RNFT2: variants seen among roughly 807,000 people sequenced by gnomAD.
RNFT2 encodes the protein E3 ubiquitin-protein ligase RNFT2.
In RNFT2, 36 loss-of-function variants were observed where a neutral mutation model predicts 53.0. The ratio of observed to expected loss-of-function variants is 0.68; its 90% CI spans 0.52 to 0.90. RNFT2 has a LOEUF of 0.90. RNFT2 is among the 40% of genes least tolerant of loss of function. The probability of loss-of-function intolerance (pLI) is 0.00; values close to 1 mark genes in which losing one functional copy is unlikely to be tolerated. For missense variants in RNFT2, 514 were observed against 585.6 expected (o/e 0.88, Z 1.26); for synonymous variants, 260 against 253.2 (o/e 1.03, Z -0.26).
rs149043452 is a variant in RNFT2, at chr12:116,821,802, C to CTTTTTTT, written c.883-11964_883-11958dup. 2.6e-3 allele frequency among the ~76,000 whole-genome samples: 116 copies of CTTTTTTT among 43,954 alleles called. 2 individuals carry two copies. Among genetic ancestry groups the CTTTTTTT allele is most frequent in the African/African-American group, 4.2e-3 (41 of 9,786 alleles). The allele number at this position is 43,954 out of a possible 152,430, so 28.8% of individuals were successfully genotyped here. A position where few individuals can be genotyped will look rare whatever the true frequency, so the allele number is the denominator to read the frequency against. On this transcript the variant is annotated intron_variant, in intron 7 of 10. Transcript: ENST00000257575. ...TCCTCCTTTTTCTGACTACTTGTTT[C>CTTTTTTT]TTTTTTTTTTTTTTTTTTTTTTTTT...
intron 4 of RNFT2, among the ~76,000 whole-genome samples, 162 bp downstream of exon 4, chr12:116,750,469 G>C (rs891662719): frequency 6.6e-6 from 1 of 152,154 alleles, no homozygotes; most frequent in Non-Finnish European, 1.5e-5. Context: ...TTCAAATCCT[G>C]GCCGACTAGC....
At chr12:116,777,294 C>T (rs746319335) in intron 6 of RNFT2, among the ~76,000 whole-genome samples, 27 of 152,088 alleles carry the variant, frequency 1.8e-4, no homozygotes, top group Admixed American at 2.6e-4. Context: ...ATAAAATATA[C>T]AGAGCAGGGC....
At chr12:116,847,157 C>T (rs1461735971) in intron 10 of RNFT2, among the ~76,000 whole-genome samples, 1 of 152,106 alleles carries the variant, frequency 6.6e-6, no homozygotes, top group East Asian at 1.9e-4. Context: ...ATCCCCCCGC[C>T]TCAGCCTACC....
Position 116,829,505 on chromosome 12 carries a change from G to A in RNFT2, c.883-4287G>A, listed in dbSNP as rs550379179. 2.0e-5 allele frequency among the ~76,000 whole-genome samples: 3 copies of A among 152,294 alleles called. No individual in the cohort carries two copies. In the South Asian group the frequency reaches 6.2e-4, roughly 32 times the overall value. On this transcript the variant is annotated intron_variant, in intron 7 of 10. Transcript: ENST00000257575. ...ACTAGTCACAAAAATCAGGCAGGGG[G>A]TGAGTGATGATTGGATGCCCTTTCT...
At chr12:116,813,707 C>T (rs1004223267) in intron 7 of RNFT2, among the ~76,000 whole-genome samples, 6 of 152,214 alleles carry the variant, frequency 3.9e-5, no homozygotes, top group Non-Finnish European at 8.8e-5. Flanking sequence ...AAAACACATA[C>T]GCTGAAGGTA....
chr12:116,812,899 C>A (rs1875458213), intron 7 of RNFT2, among the ~76,000 whole-genome samples: 1 of 152,066 alleles, frequency 6.6e-6, no homozygotes, highest in Non-Finnish European at 1.5e-5. Context: ...TGTCCATAAT[C>A]CCACGCCATT....
chr12:116,764,753 A>G (rs147929757), intron 5 of RNFT2, among the ~76,000 whole-genome samples: 1,769 of 152,218 alleles, frequency 0.012, 39 homozygotes, highest in African/African-American at 0.041. Context: ...TTAGCTGGGC[A>G]TGGTGGTGGG....
chr12:116,773,831 T>G (rs1286632081), intron 6 of RNFT2, among the ~76,000 whole-genome samples: 1 of 152,202 alleles, frequency 6.6e-6, no homozygotes, highest in African/African-American at 2.4e-5. Flanking sequence ...ATCTGCTTGC[T>G]TTTTGCAACT....
chr12:116,807,833 T>C lies in RNFT2; in HGVS notation c.883-25959T>C, dbSNP rs558646892. 1.3e-4 allele frequency among the ~76,000 whole-genome samples: 20 copies of C among 151,738 alleles called. 1 individual carries two copies. Among genetic ancestry groups the C allele is most frequent in the Non-Finnish European group, 2.5e-4 (17 of 68,030 alleles). On this transcript the variant is annotated intron_variant, in intron 7 of 10. Transcript: ENST00000257575. ...TGTGTTTTTGTTTTGAGATAGGGTC[T>C]TGCTGTGTCACCCAAACCGGTGTGC...
intron 5 of RNFT2, among the ~76,000 whole-genome samples, chr12:116,760,272 G>A (rs1436350664): frequency 3.3e-5 from 5 of 152,142 alleles, no homozygotes; most frequent in African/African-American, 7.2e-5. Flanking sequence ...CAGACTATCC[G>A]CCTCCCAGCT....
intron 3 of RNFT2, chr12:116,748,750 T>A (rs1872031328): frequency 2.4e-6 from 1 of 423,678 alleles, no homozygotes; most frequent in Non-Finnish European, 4.7e-6. Context: ...CCGAGGTAAT[T>A]CTAGAATCAT....
intron 3 of RNFT2, among the ~76,000 whole-genome samples, chr12:116,747,082 C>A (rs541701464): frequency 2.0e-5 from 3 of 152,164 alleles, no homozygotes; most frequent in Non-Finnish European, 2.9e-5. Context: ...ATTGAGAAAG[C>A]ATCTTGCTCT....
rs1449949677 is a variant in RNFT2, at chr12:116,740,510, A to G, written c.13A>G (p.Thr5Ala). 2 of 1,573,262 alleles carry G rather than the reference A, an allele frequency of 1.3e-6. No homozygotes were observed. Among genetic ancestry groups the G allele is most frequent in the Non-Finnish European group, 1.7e-6 (2 of 1,158,104 alleles). The change falls in exon 2 of 11, where the codon ACA (threonine) becomes GCA (alanine). Residue 5 changes from threonine to alanine, a missense_variant. Physicochemically the swap from Thr to Ala is moderately conservative, Grantham distance 58. Transcript: ENST00000257575. MWLFTVNQVLRKMQR... is the reference protein window; with the variant it reads MWLFAVNQVLRKMQR... ...AGTTCTGAAGTCCATGTGGCTCTTC[A>G]CAGTGAATCAGGTGACACGTCTCCA...
intron 7 of RNFT2, among the ~76,000 whole-genome samples, chr12:116,816,851 T>C (rs1013247258): frequency 1.3e-5 from 2 of 152,224 alleles, no homozygotes; most frequent in Non-Finnish European, 2.9e-5. Context: ...AATACTCGTG[T>C]ACCCAGCTTA....
intron 4 of RNFT2, among the ~76,000 whole-genome samples, chr12:116,750,903 TATA>T (rs1566069615): frequency 0.046 from 2,399 of 52,144 alleles, 235 homozygotes; most frequent in African/African-American, 0.13. Context: ...TATATATATA[TATA>T]TATTTTTTTT....
At chr12:116,779,474 C>A (rs1873593682) in intron 7 of RNFT2, 126 bp downstream of exon 7, 1 of 1,024,666 alleles carries the variant, frequency 9.8e-7, no homozygotes, top group Non-Finnish European at 1.4e-6. Context: ...ATAAACAGAG[C>A]CTGAGCTCAT....
At chr12:116,844,434 G>A (rs1012337247) in intron 10 of RNFT2, among the ~76,000 whole-genome samples, 4 of 152,122 alleles carry the variant, frequency 2.6e-5, no homozygotes, top group Admixed American at 1.3e-4. Flanking sequence ...ACAGGCTTTC[G>A]CCATGTTGGC....
chr12:116,750,095 A>G lies in RNFT2; in HGVS notation c.338A>G (p.His113Arg). 1 of 1,554,922 alleles carries G rather than the reference A, an allele frequency of 6.4e-7. No homozygotes were observed. Among genetic ancestry groups the G allele is most frequent in the South Asian group, 1.2e-5 (1 of 84,676 alleles). ...GGCGCCTACCACCACCGCCAGCCCCACCACCATTTCCACCATGGCGGCCAC... is the reference window on the plus strand; with the variant it reads ...GGCGCCTACCACCACCGCCAGCCCCGCCACCATTTCCACCATGGCGGCCAC... ...EGGAYHHRQP[H>R]HHFHHGGHRG... Residue 113 changes from histidine to arginine, a missense_variant, in exon 4 of 11, where the codon CAC (histidine) becomes CGC (arginine). By Grantham distance (29) the His-to-Arg change is conservative (BLOSUM62 0). This residue lies in a region of RNFT2 where 237 missense variants were observed against 235.1 expected (regional missense o/e 1.01). Transcript: ENST00000257575.
intron 5 of RNFT2, among the ~76,000 whole-genome samples, chr12:116,761,636 C>T (rs2137090856): frequency 6.6e-6 from 1 of 152,284 alleles, no homozygotes; most frequent in Non-Finnish European, 1.5e-5. Flanking sequence ...GGGAGGGAAA[C>T]AAAATCATTT....
Sources: gnomAD v4.1 joint callset for allele counts (sites outside exome capture counted in the v4.1 genomes callset) on GRCh38, gnomAD v4.1.1 for gene constraint, gnomAD v4.1.1 regional missense constraint, MANE v1.5 for transcripts, NCBI Gene and HGNC (gene_info 2026-07-23, HGNC 2026-07-21) for gene names.